DMD: variants seen among roughly 807,000 people sequenced by gnomAD.
DMD encodes mutant dystrophin.
Under a neutral mutation model 330.1 loss-of-function variants are expected in DMD, and 63 were observed. That is an observed-to-expected ratio of 0.19 (90% CI 0.16 to 0.24). The LOEUF is 0.24. DMD is among the 10% of genes least tolerant of loss of function. The pLI is 1.00. For synonymous variants in DMD, 1,223 were observed against 959.8 expected, an observed-to-expected ratio of 1.27 and a Z score of -5.07; for missense variants, 3,344 against 2,684.1, an observed-to-expected ratio of 1.25 and a Z score of -5.43.
At chrX:31,329,161 G>A (rs2056957846) in intron 61 of DMD, among the ~76,000 whole-genome samples, 1 of 112,052 alleles carries the variant, frequency 8.9e-6, no homozygotes, top group Non-Finnish European at 1.9e-5. Context: ...GAATAAAGCT[G>A]GTATCAACAT....
chrX:32,290,018 G>T (rs2097460056), intron 42 of DMD, among the ~76,000 whole-genome samples: 1 of 111,343 alleles, frequency 9.0e-6, no homozygotes, highest in Non-Finnish European at 1.9e-5. Flanking sequence ...TGACTTGGTT[G>T]TATACTACCT....
intron 29 of DMD, among the ~76,000 whole-genome samples, chrX:32,436,877 A>G (rs1483489514): frequency 9.1e-6 from 1 of 109,841 alleles, no homozygotes; most frequent in Non-Finnish European, 1.9e-5. Context: ...ACCTGAGCCC[A>G]GGGAGGTCGA....
intron 54 of DMD, among the ~76,000 whole-genome samples, chrX:31,629,901 T>C (rs1053331629): frequency 1.8e-5 from 2 of 112,108 alleles, no homozygotes; most frequent in Non-Finnish European, 1.9e-5. Flanking sequence ...AGAATATAAA[T>C]GCAGGGTTAG....
chrX:31,402,461 G>A lies in DMD; in HGVS notation c.9084+42020C>T, dbSNP rs779718352. Among the ~76,000 whole-genome samples, 3 of 111,909 alleles carry A rather than the reference G, an allele frequency of 2.7e-5. No individual in the cohort carries two copies. The South Asian group carries it at 1.1e-3, about 42-fold the overall frequency. On this transcript the variant is annotated intron_variant, in intron 60 of 78. Transcript: ENST00000357033. ...TTTGGCTGCTTCACTAACTAGTTGT[G>A]TTATGGCAGGCAAAAAAATTAGCTT...
intron 62 of DMD, among the ~76,000 whole-genome samples, chrX:31,281,568 T>TA (rs201110717): frequency 1.1e-5 from 1 of 93,280 alleles, no homozygotes; most frequent in Non-Finnish European, 2.0e-5. Flanking sequence ...TTTTAAACGT[T>TA]AAAAAAATGT....
At chrX:31,405,689 A>C (rs1474412554) in intron 60 of DMD, among the ~76,000 whole-genome samples, 1 of 112,008 alleles carries the variant, frequency 8.9e-6, no homozygotes, top group Non-Finnish European at 1.9e-5. Flanking sequence ...AATAGTGAAC[A>C]ATCAGCAATA....
At chrX:32,504,947 A>C (rs1485036877) in intron 18 of DMD, among the ~76,000 whole-genome samples, 1 of 112,326 alleles carries the variant, frequency 8.9e-6, no homozygotes, top group African/African-American at 3.2e-5. Context: ...ATACATTTCC[A>C]CTGAATTTAG....
At chrX:31,632,911 A>G (rs138084990) in intron 54 of DMD, among the ~76,000 whole-genome samples, 7 of 112,198 alleles carry the variant, frequency 6.2e-5, no homozygotes, top group African/African-American at 2.3e-4. Flanking sequence ...TAGCAATTCT[A>G]TTAGTAACGT....
At chrX:32,928,252 C>A (rs969645069) in intron 2 of DMD, among the ~76,000 whole-genome samples, 2 of 109,715 alleles carry the variant, frequency 1.8e-5, no homozygotes, top group South Asian at 3.9e-4. Context: ...TTAATGTCAT[C>A]TAGAAGCTTT....
In DMD at chrX:32,518,136, G is replaced by T; in HGVS notation, c.2169-5C>A. 1.7e-6 allele frequency: 2 copies of T among 1,205,320 alleles called. No homozygotes were observed. Among genetic ancestry groups the T allele is most frequent in the Non-Finnish European group, 2.2e-6 (2 of 890,690 alleles). On this transcript the variant is annotated splice_polypyrimidine_tract_variant and splice_region_variant and intron_variant, in intron 17 of 78. Transcript: ENST00000357033. The stretch of plus-strand genomic sequence containing the variant: ...TCAGTTATATCAACATCCAACCTAA[G>T]ACAGCAAAAAATAAAAGTCATTATT...
At chrX:33,327,599 T>G (rs917816605) in intron 1 of DMD, among the ~76,000 whole-genome samples, 1 of 111,130 alleles carries the variant, frequency 9.0e-6, no homozygotes, top group Admixed American at 9.6e-5. Context: ...TAATTACCGT[T>G]TTGGAAAAAA....
At chrX:32,264,272 A>G in intron 43 of DMD, among the ~76,000 whole-genome samples, 1 of 111,682 alleles carries the variant, frequency 9.0e-6, no homozygotes, top group Non-Finnish European at 1.9e-5. Flanking sequence ...CTGCTTCCAC[A>G]GTGATTGTAA....
At chrX:32,364,067 G>A (rs1336296070) in intron 36 of DMD, among the ~76,000 whole-genome samples, 6 of 111,795 alleles carry the variant, frequency 5.4e-5, no homozygotes, top group East Asian at 2.8e-4. Flanking sequence ...TCAGTTTTGA[G>A]ACTAAAAGAA....
chrX:32,555,588 G>C (rs1489055391), intron 16 of DMD, among the ~76,000 whole-genome samples: 1 of 111,661 alleles, frequency 9.0e-6, no homozygotes, highest in Non-Finnish European at 1.9e-5. Context: ...ATACTACAAG[G>C]TTACAGTCAC....
chrX:31,818,649 G>T (rs760784513), intron 50 of DMD, among the ~76,000 whole-genome samples: 1 of 110,127 alleles, frequency 9.1e-6, no homozygotes, highest in South Asian at 3.9e-4. Flanking sequence ...ATGCATATGC[G>T]CTGAGGGAAC....
At chrX:31,906,241 G>A (rs1404298082) in intron 47 of DMD, among the ~76,000 whole-genome samples, 1 of 111,702 alleles carries the variant, frequency 9.0e-6, no homozygotes. Flanking sequence ...GTTTCCTGAG[G>A]CCTCCCCAGC....
At chrX:32,772,510 A>C (rs182255819) in intron 7 of DMD, among the ~76,000 whole-genome samples, 1 of 112,560 alleles carries the variant, frequency 8.9e-6, no homozygotes, top group African/African-American at 3.2e-5. Flanking sequence ...ACAAATGAGG[A>C]AACTGACGAA....
intron 62 of DMD, among the ~76,000 whole-genome samples, chrX:31,312,767 C>T (rs1488433583): frequency 2.7e-5 from 3 of 112,165 alleles, no homozygotes; most frequent in African/African-American, 9.7e-5. Flanking sequence ...CCATGGAATA[C>T]TACGCAGCCA....
intron 48 of DMD, among the ~76,000 whole-genome samples, chrX:31,857,809 C>G (rs1010886505): frequency 4.7e-5 from 5 of 107,457 alleles, no homozygotes; most frequent in African/African-American, 1.4e-4. Context: ...TTAATATCCC[C>G]TATATGCACA....
Sources: gnomAD v4.1 joint callset for allele counts (sites outside exome capture counted in the v4.1 genomes callset) on GRCh38, gnomAD v4.1.1 for gene constraint, MANE v1.5 for transcripts, NCBI Gene and HGNC (gene_info 2026-07-23, HGNC 2026-07-21) for gene names.